SAG: variants seen among roughly 807,000 people sequenced by gnomAD.
SAG encodes the protein S-arrestin.
In SAG, 45 loss-of-function variants were observed where a neutral mutation model predicts 55.0. That is an observed-to-expected ratio of 0.82 (90% confidence interval 0.64 to 1.05). The LOEUF (loss-of-function observed/expected upper bound fraction) is 1.05. Ranked by LOEUF, SAG falls within the 50% of genes least tolerant of loss-of-function variation. SAG has a pLI of 0.00. For missense variants in SAG, 455 were observed against 512.1 expected (o/e 0.89, Z 1.08); for synonymous variants, 189 against 197.4 (o/e 0.96, Z 0.36).
chr2:233,341,326 A>G (rs1701096063), intron 13 of SAG, among the ~76,000 whole-genome samples: 1 of 152,150 alleles, frequency 6.6e-6, no homozygotes, highest in South Asian at 2.1e-4. Context: ...GAGATGATGC[A>G]GTACATAACC....
chr2:233,328,307 C>T, intron 7 of SAG, 171 bp from the exon 8 acceptor site: 1 of 677,536 alleles, frequency 1.5e-6, no homozygotes, highest in Non-Finnish European at 2.4e-6. Context: ...GGCTCTTCCA[C>T]CGTCAGGGCT....
At chr2:233,327,413 C>G (rs1010905000) in intron 7 of SAG, 1 of 434,966 alleles carries the variant, frequency 2.3e-6, no homozygotes, top group African/African-American at 2.0e-5. Flanking sequence ...CCAGGGCTCA[C>G]GTAAGCCCCG....
intron 14 of SAG, 45 bp from the exon 15 acceptor site, chr2:233,346,357 TC>T (rs749742171): frequency 6.2e-6 from 10 of 1,603,138 alleles, no homozygotes; most frequent in Non-Finnish European, 8.5e-6. Context: ...CTAACAAATG[TC>T]TCTCTCTCCC....
chr2:233,316,274 G>T (rs1700215373), intron 3 of SAG, 139 bp downstream of exon 3: 1 of 479,824 alleles, frequency 2.1e-6, no homozygotes, highest in Non-Finnish European at 3.8e-6. Flanking sequence ...GGCGCCACTG[G>T]CTGATTGGAA....
At chr2:233,314,608 G>A (rs186370139) in intron 2 of SAG, among the ~76,000 whole-genome samples, 13 of 152,320 alleles carry the variant, frequency 8.5e-5, no homozygotes, top group East Asian at 3.9e-4. Flanking sequence ...CGGTCAGCCC[G>A]CTGCTCACAG....
chr2:233,318,800 G>A lies in SAG; in HGVS notation c.181+5G>A, dbSNP rs1700288706. 2 of 1,613,288 alleles carry A rather than the reference G, an allele frequency of 1.2e-6. No homozygotes were observed. Among genetic ancestry groups the A allele is most frequent in the Non-Finnish European group, 1.7e-6 (2 of 1,179,348 alleles). On this transcript the variant is annotated splice_donor_5th_base_variant and intron_variant, in intron 4 of 15. Transcript: ENST00000409110. ...ATCTTGTGAAGGGAAAGAAAGGTGA[G>A]ATGAAGCCCCTTGTCTCAGGCTGGT...
At chr2:233,335,748 A>T (rs375608396) in intron 11 of SAG, among the ~76,000 whole-genome samples, 1 of 152,270 alleles carries the variant, frequency 6.6e-6, no homozygotes, top group Admixed American at 6.5e-5. Flanking sequence ...AAGACTATAC[A>T]GTGAAGTTCC....
chr2:233,308,534 A>G (rs936841414), intron 1 of SAG, among the ~76,000 whole-genome samples: 1 of 152,010 alleles, frequency 6.6e-6, no homozygotes. Flanking sequence ...TAATTGTAAA[A>G]CAGAGTGGCT....
At chr2:233,312,476 G>T (rs941703280) in intron 2 of SAG, among the ~76,000 whole-genome samples, 2 of 152,134 alleles carry the variant, frequency 1.3e-5, no homozygotes, top group Non-Finnish European at 2.9e-5. Flanking sequence ...GCTTAGCTTG[G>T]CCCCTGATAC....
At chr2:233,335,414 A>C (rs896806660) in intron 11 of SAG, among the ~76,000 whole-genome samples, 2 of 152,222 alleles carry the variant, frequency 1.3e-5, no homozygotes, top group Non-Finnish European at 2.9e-5. Context: ...GTAATAGTTC[A>C]AGTCTCATAG....
At position 233,319,489 on chromosome 2, in the gene SAG, TA is replaced by T; in HGVS notation, c.181+697del. ...TAATGTCACTGACTCAGTTCCATTC[TA>T]AATATGCCTTTTTGAGTGTTGCTAC... On this transcript the variant is annotated intron_variant, in intron 4 of 15. Transcript: ENST00000409110. This position sits in a 1 kb window ranked among gnomAD's most constrained non-coding sequence, Gnocchi z 4.4. The T allele has an allele frequency of 1.4e-6, 1 of 697,062 alleles. No homozygotes were observed. The highest frequency in any genetic ancestry group is 1.8e-6 in the Non-Finnish European group (1 of 563,356). The allele number at this position is 697,062 out of a possible 1,614,324, so 43.2% of individuals were successfully genotyped here.
chr2:233,322,036 CAT>C (rs1553613372), intron 5 of SAG, among the ~76,000 whole-genome samples: 61 of 126,684 alleles, frequency 4.8e-4, no homozygotes, highest in Middle Eastern at 4.2e-3. Flanking sequence ...CACACACACA[CAT>C]TAGTCAGGCG....
chr2:233,346,519 C>A, intron 15 of SAG, 107 bp downstream of exon 15: 1 of 1,253,396 alleles, frequency 8.0e-7, no homozygotes, highest in Non-Finnish European at 1.2e-6. Context: ...AGCTCTCCTG[C>A]CGGCTCAGGA....
intron 3 of SAG, 41 bp from the exon 4 acceptor site, chr2:233,318,710 A>G (rs1436411776): frequency 1.3e-6 from 2 of 1,586,586 alleles, no homozygotes; most frequent in East Asian, 2.2e-5. Flanking sequence ...GGTTTCTTTC[A>G]TCTTCTCCAC....
chr2:233,309,216 G>A lies in SAG; in HGVS notation c.27G>A (p.Lys9=). The A allele has an allele frequency of 6.2e-7, 1 of 1,613,808 alleles. No individual in the cohort carries two copies. The highest frequency in any genetic ancestry group is 1.1e-5 in the South Asian group (1 of 91,042). The change falls in exon 2 of 16, where the codon AAG becomes AAA. Residue 9 remains lysine, a synonymous_variant. Coordinates refer to ENST00000409110, the MANE Select transcript of SAG (RefSeq NM_000541.5). MAASGKTS[K]SEPNHVIFKK... is the part of the protein sequence containing the mutation. The stretch of plus-strand genomic sequence containing the variant: ...TGGCAGCCAGCGGGAAGACCAGCAA[G>A]TCCGAACCGAACCATGTTATCTTCA...
Position 233,343,654 on chromosome 2 carries a change from T to C in SAG, c.1102+1328T>C, listed in dbSNP as rs1701171654. 6.3e-6 allele frequency: 8 copies of C among 1,262,168 alleles called. No individual in the cohort carries two copies. The South Asian group carries it at 6.6e-5, about 10-fold the overall frequency. 78.2% of individuals were successfully genotyped at this position (1,262,168 alleles called of 1,614,324 possible). A position where few individuals can be genotyped will look rare whatever the true frequency, so the allele number is the denominator to read the frequency against. The stretch of plus-strand genomic sequence containing the variant: ...GGTAAATGAAGCAGCAAAAATAATA[T>C]AGGTGAAATCTCAGAAATTCTGAAG... On this transcript the variant is annotated intron_variant, in intron 14 of 15. Transcript: ENST00000409110.
chr2:233,337,668 AGGCCCAGCACCTGCT>A (rs1256089223), intron 11 of SAG, among the ~76,000 whole-genome samples: 1 of 152,210 alleles, frequency 6.6e-6, no homozygotes. Flanking sequence ...GTCTTCTTCC[AGGCCCAGCACCTGCT>A]GGCCGCCGCC....
chr2:233,334,860 CA>C, intron 10 of SAG, 101 bp from the exon 11 acceptor site: 2 of 1,407,490 alleles, frequency 1.4e-6, no homozygotes, highest in South Asian at 1.2e-5. Context: ...GGAGGTCCAT[CA>C]GGGGATGTGG....
chr2:233,314,513 G>T (rs1700165720), intron 2 of SAG, among the ~76,000 whole-genome samples: 1 of 152,152 alleles, frequency 6.6e-6, no homozygotes. Context: ...CCCGCAGGGT[G>T]GATCTTGAGG....
Sources: gnomAD v4.1 joint callset for allele counts (sites outside exome capture counted in the v4.1 genomes callset) on GRCh38, gnomAD v4.1.1 for gene constraint, Gnocchi (gnomAD v3.1) non-coding constraint, MANE v1.5 for transcripts, NCBI Gene and HGNC (gene_info 2026-07-23, HGNC 2026-07-21) for gene names.